The following ABLIM1 variants were observed in gnomAD, a reference collection of about 807,000 sequenced individuals.
The protein encoded by ABLIM1 is actin binding LIM protein 1, also known as actin-binding LIM protein 1.
Under a neutral mutation model 107.0 loss-of-function variants are expected in ABLIM1, and 40 were observed. That is an observed-to-expected ratio of 0.37 (90% CI 0.29 to 0.49). ABLIM1 has a LOEUF of 0.49. Among genes scored for constraint, ABLIM1 ranks in the 20% least tolerant of loss-of-function variants. The probability of loss-of-function intolerance (pLI) is 0.97; values close to 1 mark genes in which losing one functional copy is unlikely to be tolerated. For missense variants in ABLIM1, 857 were observed against 1,008.5 expected (o/e 0.85, Z 2.04); for synonymous variants, 357 against 357.3 (o/e 1.00, Z 0.01).
chr10:114,691,355 G>A (rs1317272411), intron 1 of ABLIM1, among the ~76,000 whole-genome samples: 1 of 152,172 alleles, frequency 6.6e-6, no homozygotes, highest in East Asian at 1.9e-4. Context: ...ACTAGAAGCG[G>A]AATGCACTTA....
intron 12 of ABLIM1, among the ~76,000 whole-genome samples, chr10:114,458,249 T>A (rs1213116415): frequency 6.6e-6 from 1 of 152,198 alleles, no homozygotes; most frequent in African/African-American, 2.4e-5. Context: ...ACTATATTTC[T>A]ATTTATGTTT....
intron 12 of ABLIM1, among the ~76,000 whole-genome samples, chr10:114,454,699 T>C (rs1017483565): frequency 4.6e-5 from 7 of 152,192 alleles, no homozygotes; most frequent in African/African-American, 1.4e-4. Flanking sequence ...AAGAGATTTG[T>C]AACTGGCCTA....
chr10:114,510,557 T>G (rs1413585895), intron 6 of ABLIM1, among the ~76,000 whole-genome samples: 1 of 152,064 alleles, frequency 6.6e-6, no homozygotes, highest in African/African-American at 2.4e-5. Context: ...TATTAGGTAT[T>G]TTTTTGTATA....
At chr10:114,755,959 C>T (rs1027035167) in intron 1 of ABLIM1, among the ~76,000 whole-genome samples, 4 of 152,046 alleles carry the variant, frequency 2.6e-5, no homozygotes, top group African/African-American at 9.7e-5. Flanking sequence ...TATAAATTCA[C>T]CCATGTTTTT....
chr10:114,663,369 T>A (rs1159477725), intron 1 of ABLIM1, among the ~76,000 whole-genome samples: 1 of 152,236 alleles, frequency 6.6e-6, no homozygotes, highest in African/African-American at 2.4e-5. Flanking sequence ...GCTAAGCTGC[T>A]GGAGTGCAGG....
intron 4 of ABLIM1, among the ~76,000 whole-genome samples, chr10:114,564,233 C>G (rs141118529): frequency 6.6e-6 from 1 of 151,680 alleles, no homozygotes. Context: ...AATAACAAAG[C>G]CTTTGTTCTG....
intron 1 of ABLIM1, among the ~76,000 whole-genome samples, chr10:114,608,879 G>A (rs1284832327): frequency 6.6e-6 from 1 of 151,592 alleles, no homozygotes; most frequent in Non-Finnish European, 1.5e-5. Flanking sequence ...GCTGGGTGTG[G>A]TGGCAGGTGC....
chr10:114,456,934 T>TTA (rs397735499), intron 12 of ABLIM1, among the ~76,000 whole-genome samples: 16 of 138,194 alleles, frequency 1.2e-4, no homozygotes, highest in African/African-American at 3.6e-4. Flanking sequence ...GTTTTTTTTT[T>TTA]AAAAAAAAAA....
intron 4 of ABLIM1, among the ~76,000 whole-genome samples, chr10:114,566,322 C>G (rs985300932): frequency 6.6e-6 from 1 of 152,166 alleles, no homozygotes; most frequent in Non-Finnish European, 1.5e-5. Context: ...GCAGCCCACT[C>G]CTGCTCAGAT....
intron 6 of ABLIM1, among the ~76,000 whole-genome samples, chr10:114,494,874 A>C (rs2059461428): frequency 6.6e-6 from 1 of 152,138 alleles, no homozygotes; most frequent in Non-Finnish European, 1.5e-5. Context: ...GGGTAGAAAT[A>C]ATAGAACTTA....
intron 6 of ABLIM1, among the ~76,000 whole-genome samples, chr10:114,541,462 A>G (rs1430491081): frequency 6.6e-6 from 1 of 152,156 alleles, no homozygotes; most frequent in Non-Finnish European, 1.5e-5. Context: ...ACCACCACCA[A>G]GACCCAAGCA....
intron 1 of ABLIM1, among the ~76,000 whole-genome samples, chr10:114,634,244 T>C (rs986522711): frequency 7.2e-6 from 1 of 139,556 alleles, no homozygotes; most frequent in African/African-American, 2.7e-5. Flanking sequence ...GCCATTCTCC[T>C]GCCTCAGCCT....
At chr10:114,788,263 C>G in the ABLIM1 span, among the ~76,000 whole-genome samples, 1 of 147,382 alleles carries the variant, frequency 6.8e-6, no homozygotes, top group African/African-American at 2.5e-5. Flanking sequence ...CTGACCTTCC[C>G]TCCACTATTG....
chr10:114,615,165 T>A (rs2077052833), intron 1 of ABLIM1, among the ~76,000 whole-genome samples: 1 of 152,216 alleles, frequency 6.6e-6, no homozygotes, highest in African/African-American at 2.4e-5. Flanking sequence ...CAGAATGATC[T>A]TTTAAGTGCA....
At chr10:114,749,440 AAC>A (rs577727327) in intron 1 of ABLIM1, among the ~76,000 whole-genome samples, 3 of 127,216 alleles carry the variant, frequency 2.4e-5, no homozygotes, top group African/African-American at 9.5e-5. Flanking sequence ...AAATTAAAAC[AAC>A]ACACACACCA....
At chr10:114,468,107 A>G (rs2065577468) in intron 11 of ABLIM1, 74 bp downstream of exon 11, 2 of 1,359,030 alleles carry the variant, frequency 1.5e-6, no homozygotes, top group Admixed American at 3.5e-5. Flanking sequence ...CTTTTTCAAA[A>G]ATCCCAGTCT....
At chr10:114,666,045 G>C (rs956963035) in intron 1 of ABLIM1, among the ~76,000 whole-genome samples, 3 of 152,180 alleles carry the variant, frequency 2.0e-5, no homozygotes, top group Non-Finnish European at 4.4e-5. Context: ...TTCCCATAGC[G>C]TGGGCAAATC....
intron 12 of ABLIM1, among the ~76,000 whole-genome samples, chr10:114,456,992 C>A (rs2062953086): frequency 6.6e-6 from 1 of 150,892 alleles, no homozygotes; most frequent in South Asian, 2.1e-4. Flanking sequence ...TAACTATAAT[C>A]ATTTAAAACT....
chr10:114,583,169 AC>A (rs199926265), intron 2 of ABLIM1, among the ~76,000 whole-genome samples: 64 of 151,554 alleles, frequency 4.2e-4, no homozygotes, highest in Admixed American at 5.9e-4. Flanking sequence ...CAAGCAAAAA[AC>A]AAATAACTCC....
Sources: allele counts gnomAD v4.1 joint callset (sites outside exome capture counted in the v4.1 genomes callset), GRCh38; gene constraint gnomAD v4.1.1; transcripts MANE v1.5; gene names NCBI Gene and HGNC (gene_info 2026-07-23, HGNC 2026-07-21).